Variants in PARVB observed in about 807,000 individuals in gnomAD.
PARVB encodes beta-parvin.
In PARVB, 46 loss-of-function variants were observed where a neutral mutation model predicts 47.0. The observed-to-expected ratio is 0.98, with a 90% CI of 0.77 to 1.25. The LOEUF (loss-of-function observed/expected upper bound fraction) is 1.25, where lower values mean the gene tolerates loss of function less well. PARVB is among the 50% of genes most tolerant of loss of function. The pLI, the probability that PARVB is intolerant of heterozygous loss-of-function variation, is 0.00. For synonymous variants in PARVB, 196 were observed against 196.3 expected, an observed-to-expected ratio of 1.00 and a Z score of 0.01; for missense variants, 473 against 471.6, an observed-to-expected ratio of 1.00 and a Z score of -0.03.
chr22:44,002,158 A>G (rs2050419445), intron 2 of PARVB, among the ~76,000 whole-genome samples: 1 of 152,174 alleles, frequency 6.6e-6, no homozygotes, highest in Non-Finnish European at 1.5e-5. Flanking sequence ...TAACTAAGTA[A>G]TGTCTTTGCA....
At chr22:44,069,102 C>T in intron 1 of PARVB, 6 of 1,611,430 alleles carry the variant, frequency 3.7e-6, no homozygotes, top group Non-Finnish European at 5.1e-6. Context: ...CCCGCCTGCC[C>T]TCCGACGTCC....
At chr22:44,110,618 A>AT (rs2052675516) in intron 3 of PARVB, 1 of 151,902 alleles carries the variant, frequency 6.6e-6, no homozygotes, top group South Asian at 2.1e-4. Flanking sequence ...TATTATTATT[A>AT]TTTTTTAGAT....
intron 4 of PARVB, among the ~76,000 whole-genome samples, chr22:44,122,439 T>C (rs1210907908): frequency 1.3e-5 from 2 of 148,716 alleles, no homozygotes; most frequent in South Asian, 2.1e-4. Context: ...TGAGCCATGA[T>C]TGTACCACTA....
chr22:44,008,722 A>G (rs2050492342), intron 2 of PARVB, among the ~76,000 whole-genome samples: 1 of 152,052 alleles, frequency 6.6e-6, no homozygotes, highest in Non-Finnish European at 1.5e-5. Context: ...ATGGTGGCTT[A>G]TGCCTGTAAT....
intron 1 of PARVB, among the ~76,000 whole-genome samples, chr22:44,076,311 G>A (rs2051772321): frequency 1.3e-5 from 2 of 152,308 alleles, no homozygotes; most frequent in Admixed American, 6.5e-5. Context: ...GTGAAAGGGC[G>A]GCCACCCGCA....
rs35913551 is a variant in PARVB, at chr22:44,151,029, CAAA to C, written c.775-428_775-426del. ...CCTGGGCGACAGAGTGAGACTGTCTCAAAAAAAAAAAAAAAAAAAAAAAAAAAA... is the reference window on the plus strand; with the variant it reads ...CCTGGGCGACAGAGTGAGACTGTCTCAAAAAAAAAAAAAAAAAAAAAAAAA... On this transcript the variant is annotated intron_variant, in intron 9 of 12. Coordinates refer to ENST00000338758, the MANE Select transcript of PARVB (RefSeq NM_013327.5). 9.0e-3 allele frequency: 465 copies of C among 51,678 alleles called. 1 individual carries two copies. The highest frequency in any genetic ancestry group is 0.029 in the African/African-American group (377 of 13,062). 3.2% of individuals were successfully genotyped at this position (51,678 alleles called of 1,614,324 possible). A position where few individuals can be genotyped will look rare whatever the true frequency, so the allele number is the denominator to read the frequency against.
chr22:44,067,325 C>G lies in PARVB; in HGVS notation c.113-26603C>G, dbSNP rs1359904491. Among the ~76,000 whole-genome samples, 7 of 152,240 alleles carry G rather than the reference C, an allele frequency of 4.6e-5. No individual in the cohort carries two copies. In the East Asian group the frequency reaches 1.3e-3, roughly 29 times the overall value. On this transcript the variant is annotated intron_variant, in intron 1 of 12. Coordinates refer to ENST00000338758, the MANE Select transcript of PARVB (RefSeq NM_013327.5). ...CTGACTCTAAGATGTGACTACTAGG[C>G]TGCTGATCCTTTTATGATTTTTCAA...
At chr22:44,048,874 T>C (rs1252203020) in intron 1 of PARVB, among the ~76,000 whole-genome samples, 1 of 152,274 alleles carries the variant, frequency 6.6e-6, no homozygotes, top group East Asian at 1.9e-4. Context: ...TTTTGTACTT[T>C]AGGTGGGATT....
At chr22:44,053,539 A>C (rs2051250909) in intron 1 of PARVB, among the ~76,000 whole-genome samples, 1 of 152,182 alleles carries the variant, frequency 6.6e-6, no homozygotes. Flanking sequence ...ACACAACAAC[A>C]GTTAACAGAC....
intron 1 of PARVB, among the ~76,000 whole-genome samples, chr22:44,080,136 C>A (rs746396032): frequency 6.6e-6 from 1 of 152,166 alleles, no homozygotes; most frequent in African/African-American, 2.4e-5. Flanking sequence ...AGGGGGCACC[C>A]GGTGTGGAGC....
At chr22:44,035,067 T>C (rs2050896031) in intron 1 of PARVB, among the ~76,000 whole-genome samples, 1 of 152,196 alleles carries the variant, frequency 6.6e-6, no homozygotes, top group South Asian at 2.1e-4. Context: ...TGCTGTTGAC[T>C]GGAAGCCTCA....
chr22:44,073,321 C>T (rs1033491702), intron 1 of PARVB, among the ~76,000 whole-genome samples: 9 of 152,100 alleles, frequency 5.9e-5, no homozygotes, highest in African/African-American at 1.9e-4. Flanking sequence ...TAGCGAAACC[C>T]GTCTCTATTA....
chr22:44,091,370 C>T (rs549018549), intron 1 of PARVB, among the ~76,000 whole-genome samples: 101 of 147,160 alleles, frequency 6.9e-4, no homozygotes, highest in African/African-American at 2.2e-3. Context: ...GAGCAGAGTT[C>T]ACTGGTATTA....
intron 2 of PARVB, among the ~76,000 whole-genome samples, chr22:44,012,881 T>A (rs1393363023): frequency 7.1e-6 from 1 of 140,402 alleles, no homozygotes; most frequent in Non-Finnish European, 1.5e-5. Context: ...GCTGACAAGC[T>A]TTATTTATTT....
At chr22:44,161,171 A>T (rs965304215) in intron 11 of PARVB, among the ~76,000 whole-genome samples, 1 of 151,800 alleles carries the variant, frequency 6.6e-6, no homozygotes, top group African/African-American at 2.4e-5. Flanking sequence ...TCATTTGATG[A>T]TATGGACGGT....
At chr22:44,101,514 C>CCAAG (rs1296365529) in intron 3 of PARVB, among the ~76,000 whole-genome samples, 3 of 152,040 alleles carry the variant, frequency 2.0e-5, no homozygotes, top group African/African-American at 7.2e-5. Context: ...CTTTGGGAGG[C>CCAAG]CAAGGCAGGT....
At chr22:44,052,771 T>C (rs2051234456) in intron 1 of PARVB, among the ~76,000 whole-genome samples, 4 of 152,134 alleles carry the variant, frequency 2.6e-5, no homozygotes, top group Admixed American at 1.3e-4. Flanking sequence ...AGCAAGACCC[T>C]GTCTCTACAA....
At chr22:44,014,937 G>T (rs1279030498) in intron 2 of PARVB, among the ~76,000 whole-genome samples, 1 of 151,350 alleles carries the variant, frequency 6.6e-6, no homozygotes, top group Non-Finnish European at 1.5e-5. Context: ...TGCAACCTCC[G>T]CACCCTGGGT....
At chr22:44,020,483 C>T (rs994282626), upstream of PARVB, among the ~76,000 whole-genome samples, 3 of 152,164 alleles carry the variant, frequency 2.0e-5, no homozygotes, top group Non-Finnish European at 4.4e-5. Context: ...CACCTGCCAC[C>T]ACTTCTGATG....
Sources: gnomAD v4.1 joint callset for allele counts (sites outside exome capture counted in the v4.1 genomes callset) on GRCh38, gnomAD v4.1.1 for gene constraint, MANE v1.5 for transcripts, NCBI Gene and HGNC (gene_info 2026-07-23, HGNC 2026-07-21) for gene names.